KDM2B: variants seen among roughly 807,000 people sequenced by gnomAD.
KDM2B encodes lysine-specific demethylase 2B.
KDM2B carries 26 observed loss-of-function variants against 150.0 expected under a neutral mutation model. That is an observed-to-expected ratio of 0.17 (90% CI 0.13 to 0.24). The LOEUF (loss-of-function observed/expected upper bound fraction) is 0.24, where lower values mean the gene tolerates loss of function less well. Ranked by LOEUF, KDM2B falls within the 10% of genes least tolerant of loss-of-function variation. The probability of loss-of-function intolerance (pLI) is 1.00; values close to 1 mark genes in which losing one functional copy is unlikely to be tolerated. For synonymous variants in KDM2B, 734 were observed against 729.5 expected (o/e 1.01, Z -0.10); for missense variants, 1,265 against 1,816.9 (o/e 0.70, Z 5.52).
At position 121,442,885 on chromosome 12, in the gene KDM2B, C is replaced by T; in HGVS notation, c.2605-49G>A. 6.5e-7 allele frequency: 1 copy of T among 1,541,336 alleles called. No individual in the cohort carries two copies. Among genetic ancestry groups the T allele is most frequent in the South Asian group, 1.2e-5 (1 of 81,114 alleles). On this transcript the variant is annotated intron_variant, in intron 18 of 22. Coordinates refer to ENST00000377071, the MANE Select transcript of KDM2B (RefSeq NM_032590.5). The surrounding 1 kb of genome is among the most constrained non-coding windows in gnomAD (Gnocchi z 7.7). ...TCAGCCTCTGGGGCTCAGGGCTGCGCCCGCCCAAGGCCTCCCGCCCCCCTG... is the reference window on the plus strand; with the variant it reads ...TCAGCCTCTGGGGCTCAGGGCTGCGTCCGCCCAAGGCCTCCCGCCCCCCTG...
downstream of KDM2B, among the ~76,000 whole-genome samples, chr12:121,424,988 G>A (rs79297919): frequency 7.9e-5 from 12 of 152,266 alleles, no homozygotes; most frequent in Non-Finnish European, 1.5e-4. Context: ...TGCCAGAGTT[G>A]CTCTTAACCC....
chr12:121,528,317 G>A (rs1555307176), intron 8 of KDM2B, among the ~76,000 whole-genome samples: 2 of 152,186 alleles, frequency 1.3e-5, no homozygotes, highest in African/African-American at 4.8e-5. Flanking sequence ...CCAGCACTTT[G>A]GGAGGCTGAG....
At chr12:121,578,334 C>T (rs1317222777) in intron 2 of KDM2B, among the ~76,000 whole-genome samples, 1 of 152,162 alleles carries the variant, frequency 6.6e-6, no homozygotes, top group African/African-American at 2.4e-5. Context: ...TCACCAGTTC[C>T]TCACTGGCAG....
At chr12:121,488,954 G>A (rs1411294188) in intron 12 of KDM2B, among the ~76,000 whole-genome samples, 1 of 152,124 alleles carries the variant, frequency 6.6e-6, no homozygotes, top group Non-Finnish European at 1.5e-5. Flanking sequence ...GATTACAGGC[G>A]TACACCACCA....
intron 6 of KDM2B, among the ~76,000 whole-genome samples, chr12:121,535,700 G>T (rs1420895476): frequency 6.6e-6 from 1 of 152,188 alleles, no homozygotes; most frequent in Non-Finnish European, 1.5e-5. Context: ...GAATCCAGGG[G>T]AAGCAGGAAC....
the KDM2B span, among the ~76,000 whole-genome samples, chr12:121,408,957 T>TA: frequency 6.6e-6 from 1 of 151,846 alleles, no homozygotes; most frequent in Admixed American, 6.6e-5. Flanking sequence ...ATCAGATTGT[T>TA]AAAAACTCAG....
chr12:121,501,390 A>T (rs1701265089), intron 11 of KDM2B, among the ~76,000 whole-genome samples: 2 of 152,270 alleles, frequency 1.3e-5, no homozygotes, highest in African/African-American at 4.8e-5. Flanking sequence ...CTTCAAAAAA[A>T]TAAATAAAAT....
intron 4 of KDM2B, among the ~76,000 whole-genome samples, chr12:121,552,404 G>A (rs1889571190): frequency 6.6e-6 from 1 of 152,178 alleles, no homozygotes. Flanking sequence ...CAAGTGCAGT[G>A]GCTCATGCCT....
intron 9 of KDM2B, among the ~76,000 whole-genome samples, chr12:121,516,130 G>A (rs1886166363): frequency 6.6e-6 from 1 of 152,086 alleles, no homozygotes; most frequent in Non-Finnish European, 1.5e-5. Flanking sequence ...TAAAAAGCAA[G>A]CTGAGGACGG....
At chr12:121,580,510 T>C in intron 1 of KDM2B, 1 of 1,235,808 alleles carries the variant, frequency 8.1e-7, no homozygotes, top group Non-Finnish European at 1.0e-6. Flanking sequence ...GGGAGTTGTG[T>C]GCAGAGCTGA....
chr12:121,459,447 A>G (rs1282767306), intron 12 of KDM2B, among the ~76,000 whole-genome samples: 1 of 151,696 alleles, frequency 6.6e-6, no homozygotes, highest in Non-Finnish European at 1.5e-5. Context: ...ACAAGTGTAA[A>G]TCTTTATGAC....
the KDM2B span, among the ~76,000 whole-genome samples, chr12:121,421,371 T>TACAAAAAAAAA: frequency 8.6e-5 from 4 of 46,368 alleles, 1 homozygote; most frequent in African/African-American, 2.7e-4. Flanking sequence ...ATCCCATCTC[T>TACAAAAAAAAA]AAAAAAAAAA....
In KDM2B at chr12:121,548,921, T is replaced by A. The variant is rs782140554; in HGVS notation, c.639A>T (p.Glu213Asp). 6.2e-6 allele frequency: 10 copies of A among 1,614,220 alleles called. No individual in the cohort carries two copies. The highest frequency in any genetic ancestry group is 8.5e-6 in the Non-Finnish European group (10 of 1,180,018). The change falls in exon 6 of 23, where the codon GAA becomes GAT. Residue 213 changes from glutamate (E) to aspartate (D), a missense_variant. Transcript: ENST00000377071. The stretch of plus-strand genomic sequence containing the variant: ...TCATCTCTGCAATGGCGTTCGTGGC[T>A]TCTGTCTGCTTCTCCTTCAGATGCT... ...WPQHLKEKQT[E>D]ATNAIAEMKY... is the part of the protein sequence containing the mutation.
intron 8 of KDM2B, among the ~76,000 whole-genome samples, chr12:121,528,634 A>G (rs534386041): frequency 2.8e-4 from 43 of 152,318 alleles, no homozygotes; most frequent in African/African-American, 9.4e-4. Context: ...GCTGAATTCT[A>G]TCAGACATTC....
chr12:121,579,545 C>T (rs979192874), intron 1 of KDM2B: 9 of 1,209,922 alleles, frequency 7.4e-6, no homozygotes, highest in Admixed American at 2.3e-5. Context: ...GGAGGAGAAT[C>T]GGGGCTTGGA....
At chr12:121,412,327 C>T in the KDM2B span, among the ~76,000 whole-genome samples, 1 of 150,070 alleles carries the variant, frequency 6.7e-6, no homozygotes, top group Non-Finnish European at 1.5e-5. Context: ...GCAAGCTCTG[C>T]CTCCCGGGTT....
At chr12:121,566,048 A>G (rs1890685093) in intron 4 of KDM2B, among the ~76,000 whole-genome samples, 1 of 152,106 alleles carries the variant, frequency 6.6e-6, no homozygotes, top group African/African-American at 2.4e-5. Flanking sequence ...TTCCAGATGA[A>G]CTATAGATCA....
chr12:121,574,571 C>T lies in KDM2B; in HGVS notation c.373G>A (p.Val125Ile). The T allele has an allele frequency of 6.2e-7, 1 of 1,614,034 alleles. No individual in the cohort carries two copies. The highest frequency in any genetic ancestry group is 1.1e-5 in the South Asian group (1 of 91,074). The change falls in exon 4 of 23, where the codon GTC becomes ATC. Residue 125 changes from valine to isoleucine, a missense_variant. Transcript: ENST00000377071. Reference protein sequence around the residue: ...GIKMPDPDFTVRDVKLLVGSR... With the variant: ...GIKMPDPDFTIRDVKLLVGSR... ...CCCACTAGGAGTTTGACGTCTCGGA[C>T]TGTGAAATCAGGGTCAGGCATCCTG...
chr12:121,424,073 A>G, the KDM2B span: 1 of 152,944 alleles, frequency 6.5e-6, no homozygotes, highest in Admixed American at 6.5e-5. Context: ...GATGAATGTA[A>G]GTTTCCACAT....
Sources: gnomAD v4.1 joint callset for allele counts (sites outside exome capture counted in the v4.1 genomes callset) on GRCh38, gnomAD v4.1.1 for gene constraint, Gnocchi (gnomAD v3.1) non-coding constraint, MANE v1.5 for transcripts, NCBI Gene and HGNC (gene_info 2026-07-23, HGNC 2026-07-21) for gene names.